The following SCAF11 variants were observed in gnomAD, a reference collection of about 807,000 sequenced individuals.
SCAF11 encodes the protein SR-related CTD associated factor 11.
A neutral mutation model predicts 140.5 loss-of-function variants in SCAF11; 47 were observed. The observed-to-expected ratio is 0.33, with a 90% confidence interval of 0.26 to 0.43. The LOEUF (loss-of-function observed/expected upper bound fraction) is 0.43. Among genes scored for constraint, SCAF11 ranks in the 20% least tolerant of loss-of-function variants. The probability of loss-of-function intolerance (pLI) is 1.00; values close to 1 mark genes in which losing one functional copy is unlikely to be tolerated. For synonymous variants in SCAF11, 557 were observed against 579.4 expected, an observed-to-expected ratio of 0.96 and a Z score of 0.55; for missense variants, 1,645 against 1,705.1, an observed-to-expected ratio of 0.96 and a Z score of 0.62.
intron 1 of SCAF11, among the ~76,000 whole-genome samples, chr12:45,990,082 G>C (rs1183249009): frequency 1.3e-5 from 2 of 152,044 alleles, no homozygotes; most frequent in African/African-American, 4.8e-5. Flanking sequence ...GTGCGACAGA[G>C]AGGCGGCGGC....
At chr12:45,955,835 G>C (rs1945677894) in intron 3 of SCAF11, 1 of 276,972 alleles carries the variant, frequency 3.6e-6, no homozygotes, top group African/African-American at 2.2e-5. Flanking sequence ...TAACCAAGTA[G>C]TCTAATAACA....
chr12:45,961,861 T>A lies in SCAF11; in HGVS notation c.62-4A>T. Reference sequence around the variant, plus strand: ...GTATTATCTCCGTTTTCTTCACCTGTTAAAGTAAAACAGCCATATGTGCTT... The same window carrying A: ...GTATTATCTCCGTTTTCTTCACCTGATAAAGTAAAACAGCCATATGTGCTT... On this transcript the variant is annotated splice_region_variant and splice_polypyrimidine_tract_variant and intron_variant, in intron 2 of 14. Coordinates refer to ENST00000369367, the MANE Select transcript of SCAF11 (RefSeq NM_004719.3). 2 of 1,596,904 alleles carry A rather than the reference T, an allele frequency of 1.3e-6. No homozygotes were observed. The highest frequency in any genetic ancestry group is 1.7e-6 in the Non-Finnish European group (2 of 1,173,066).
chr12:45,973,421 GAAGA>G (rs1565689910), intron 1 of SCAF11, among the ~76,000 whole-genome samples: 1 of 151,910 alleles, frequency 6.6e-6, no homozygotes, highest in Non-Finnish European at 1.5e-5. Flanking sequence ...AGAAGAAGAA[GAAGA>G]AATAATGGGT....
At chr12:45,979,370 T>A (rs1004349719) in intron 1 of SCAF11, among the ~76,000 whole-genome samples, 1 of 151,962 alleles carries the variant, frequency 6.6e-6, no homozygotes, top group Admixed American at 6.6e-5. Context: ...CACATAAAAA[T>A]GCTTGTCACA....
Position 45,990,551 on chromosome 12 carries a change from G to C in SCAF11, c.-220C>G. On this transcript the variant is annotated 5_prime_UTR_variant, in exon 1 of 15. Coordinates refer to ENST00000369367, the MANE Select transcript of SCAF11 (RefSeq NM_004719.3). ...GGAGCGACCCAGGTTGCGCTGCTCC[G>C]CGCGGCTTAAGCCACCGCTACTCCC... The C allele has an allele frequency of 5.7e-6, 7 of 1,231,722 alleles. No individual in the cohort carries two copies. Among genetic ancestry groups the C allele is most frequent in the Non-Finnish European group, 6.1e-6 (6 of 988,110 alleles). The allele number at this position is 1,231,722 out of a possible 1,614,324, so 76.3% of individuals were successfully genotyped here.
At position 45,920,631 on chromosome 12, in the gene SCAF11, T is replaced by TA; in HGVS notation, c.*1416dup. 1 of 152,338 alleles carries TA rather than the reference T, an allele frequency of 6.6e-6. No homozygotes were observed. Among genetic ancestry groups the TA allele is most frequent in the East Asian group, 1.9e-4 (1 of 5,172 alleles). The allele number at this position is 152,338 out of a possible 1,614,324, so 9.4% of individuals were successfully genotyped here. ...AGAAAAAAAAAAAAACCCAAATCCC[T>TA]AATCCCTGAAAGGCTAACCAGGACT... is the stretch of plus-strand genomic sequence containing the variant. On this transcript the variant is annotated 3_prime_UTR_variant, in exon 15 of 15. Coordinates refer to ENST00000369367, the MANE Select transcript of SCAF11 (RefSeq NM_004719.3).
At position 45,961,686 on chromosome 12, in the gene SCAF11, T is replaced by C. The variant is rs530671770; in HGVS notation, c.219+14A>G. The C allele has an allele frequency of 3.1e-6, 5 of 1,594,350 alleles. No homozygotes were observed. The highest frequency in any genetic ancestry group is 4.5e-5 in the East Asian group (2 of 44,634). On this transcript the variant is annotated intron_variant, in intron 3 of 14. Transcript: ENST00000369367. ...ATGCTAGGAAATTAAAATACATTAA[T>C]GTGTCAGACTTACCTCTGCCCATTT...
chr12:45,922,786 T>C, intron 13 of SCAF11, 150 bp downstream of exon 13: 1 of 824,180 alleles, frequency 1.2e-6, no homozygotes, highest in Non-Finnish European at 1.9e-6. Context: ...TTACTGGACA[T>C]CAACACATCT....
chr12:45,973,743 C>CT (rs1946169520), intron 1 of SCAF11, among the ~76,000 whole-genome samples: 1 of 152,060 alleles, frequency 6.6e-6, no homozygotes, highest in South Asian at 2.1e-4. Flanking sequence ...AATCCTCTAT[C>CT]TAGTGAAAAT....
chr12:45,927,513 C>A lies in SCAF11; in HGVS notation c.2188G>T (p.Glu730Ter). ...ECDSFCSDQN[E>*]SEVEPSVNAD... ...TTTACAGATGGTTCAACTTCAGATT[C>A]ATTTTGGTCACTGCAAAATGAATCA... Residue 730 changes from glutamate (E) to a stop codon, truncating the protein, a stop_gained, in exon 11 of 15, where the codon GAA becomes TAA. Transcript: ENST00000369367. LOFTEE classifies it high-confidence loss of function. 6.2e-7 allele frequency: 1 copy of A among 1,613,624 alleles called. No individual in the cohort carries two copies.
intron 1 of SCAF11, among the ~76,000 whole-genome samples, chr12:45,981,769 A>C (rs926207831): frequency 6.6e-6 from 1 of 152,124 alleles, no homozygotes; most frequent in Admixed American, 6.5e-5. Context: ...CATTCCAGCC[A>C]GGGGACAGAG....
At chr12:45,966,748 A>G (rs969665492) in intron 1 of SCAF11, among the ~76,000 whole-genome samples, 2 of 152,198 alleles carry the variant, frequency 1.3e-5, no homozygotes, top group African/African-American at 4.8e-5. Flanking sequence ...ACAACAACAA[A>G]GAGATGAATG....
chr12:45,961,647 G>A (rs1234424191), intron 3 of SCAF11, 53 bp downstream of exon 3: 5 of 1,432,756 alleles, frequency 3.5e-6, no homozygotes, highest in South Asian at 2.7e-5. Flanking sequence ...CAACTCTTTA[G>A]GTGAAATGAA....
rs558349730 is a variant in SCAF11 at position 45,931,647 on chromosome 12, G to A, written c.735-35C>T. On this transcript the variant is annotated intron_variant, in intron 9 of 14. Transcript: ENST00000369367. ...TAATAAAGACATTTTTGTTTAAATG[G>A]TTTAAAAAATTAAACCACCAATTTA... is the stretch of plus-strand genomic sequence containing the variant. The A allele has an allele frequency of 1.9e-5, 22 of 1,187,616 alleles. No individual in the cohort carries two copies. In the East Asian group the frequency reaches 5.6e-4, roughly 30 times the overall value. The allele number at this position is 1,187,616 out of a possible 1,614,324, so 73.6% of individuals were successfully genotyped here.
In SCAF11 at chr12:45,990,360, C is replaced by G; in HGVS notation, c.-29G>C. 1 of 1,232,074 alleles carries G rather than the reference C, an allele frequency of 8.1e-7. No homozygotes were observed. The highest frequency in any genetic ancestry group is 3.2e-5 in the East Asian group (1 of 31,698). 76.3% of individuals were successfully genotyped at this position (1,232,074 alleles called of 1,614,324 possible). ...GGGTCGACCAGTGTTTACCTCAGACCGAGGTCGAGGCGCTCGGTCCGGCCG... is the reference window on the plus strand; with the variant it reads ...GGGTCGACCAGTGTTTACCTCAGACGGAGGTCGAGGCGCTCGGTCCGGCCG... On this transcript the variant is annotated 5_prime_UTR_variant, in exon 1 of 15. Coordinates refer to ENST00000369367, the MANE Select transcript of SCAF11 (RefSeq NM_004719.3).
intron 1 of SCAF11, among the ~76,000 whole-genome samples, chr12:45,972,864 CGATATATATATATATAGATATATATATA>C (rs753452250): frequency 0.11 from 7,370 of 66,048 alleles, 753 homozygotes; most frequent in Middle Eastern, 0.18. Context: ...ATATATATAT[CGATATATATATATATAGATATATATATA>C]GATATATATA....
At chr12:45,986,997 T>G (rs1946473290) in intron 1 of SCAF11, among the ~76,000 whole-genome samples, 1 of 152,238 alleles carries the variant, frequency 6.6e-6, no homozygotes, top group African/African-American at 2.4e-5. Flanking sequence ...AGCTGAGGCA[T>G]TCTTAGCTCC....
chr12:45,943,973 C>A (rs910870212), intron 6 of SCAF11, among the ~76,000 whole-genome samples: 4 of 152,168 alleles, frequency 2.6e-5, no homozygotes, highest in South Asian at 2.1e-4. Flanking sequence ...CTTTACTATA[C>A]TGAAGCATAT....
At chr12:45,950,651 T>C (rs994116489) in intron 4 of SCAF11, among the ~76,000 whole-genome samples, 11 of 152,186 alleles carry the variant, frequency 7.2e-5, no homozygotes, top group Admixed American at 5.9e-4. Context: ...CTAATTTGCA[T>C]TGATGGCAAA....
Sources: gnomAD v4.1 joint callset for allele counts (sites outside exome capture counted in the v4.1 genomes callset) on GRCh38, gnomAD v4.1.1 for gene constraint, MANE v1.5 for transcripts, NCBI Gene and HGNC (gene_info 2026-07-23, HGNC 2026-07-21) for gene names.